LRRTM3: variants seen among roughly 807,000 people sequenced by gnomAD.
LRRTM3 encodes the protein leucine-rich repeat transmembrane neuronal protein 3.
LRRTM3 carries 24 observed loss-of-function variants against 44.7 expected under a neutral mutation model. The ratio of observed to expected loss-of-function variants is 0.54; its 90% CI spans 0.39 to 0.76. The LOEUF (loss-of-function observed/expected upper bound fraction) is 0.76, where lower values mean the gene tolerates loss of function less well. Among genes scored for constraint, LRRTM3 ranks in the 30% least tolerant of loss-of-function variants. LRRTM3 has a pLI of 0.00. For missense variants in LRRTM3, 587 were observed against 702.2 expected, an observed-to-expected ratio of 0.84 and a Z score of 1.85; for synonymous variants, 277 against 278.7, an observed-to-expected ratio of 0.99 and a Z score of 0.06.
At chr10:66,949,084 A>T (rs1250511764) in intron 2 of LRRTM3, among the ~76,000 whole-genome samples, 1 of 152,252 alleles carries the variant, frequency 6.6e-6, no homozygotes, top group East Asian at 1.9e-4. Flanking sequence ...GCAAAAATTT[A>T]TAATCTGCAT....
At chr10:66,948,020 G>A (rs564619744) in intron 2 of LRRTM3, among the ~76,000 whole-genome samples, 21 of 152,200 alleles carry the variant, frequency 1.4e-4, no homozygotes, top group Non-Finnish European at 2.4e-4. Context: ...GAATGCTGTA[G>A]GCATTTGTAA....
chr10:66,945,841 G>A (rs912546232), intron 2 of LRRTM3, among the ~76,000 whole-genome samples: 1 of 152,132 alleles, frequency 6.6e-6, no homozygotes, highest in African/African-American at 2.4e-5. Context: ...GAGGCCCACA[G>A]TAAGGGAGGG....
At chr10:66,949,465 G>C (rs1222744440) in intron 2 of LRRTM3, among the ~76,000 whole-genome samples, 1 of 152,022 alleles carries the variant, frequency 6.6e-6, no homozygotes, top group African/African-American at 2.4e-5. Flanking sequence ...GGCTGAGGCA[G>C]GAGAATTGCT....
At position 67,000,657 on chromosome 10, in the gene LRRTM3, A is replaced by G. The variant is rs568396120; in HGVS notation, c.1536+72205A>G. Among the ~76,000 whole-genome samples, 7 of 152,288 alleles carry G rather than the reference A, an allele frequency of 4.6e-5. No homozygotes were observed. In the East Asian group the frequency reaches 1.4e-3, roughly 29 times the overall value. On this transcript the variant is annotated intron_variant, in intron 2 of 2. Transcript: ENST00000361320. ...GCTGCCTCCTATTACAGGAGTCTTT[A>G]CATTCAATTAAACTGAATTAGATAT...
intron 2 of LRRTM3, among the ~76,000 whole-genome samples, chr10:67,005,657 A>T (rs1037736116): frequency 4.2e-4 from 43 of 101,374 alleles, no homozygotes; most frequent in African/African-American, 1.3e-3. Context: ...AAGCAAAAGT[A>T]ATGCTTTTGT....
Position 66,962,976 on chromosome 10 carries a change from C to CTGAATGAA in LRRTM3, c.1536+34533_1536+34540dup, listed in dbSNP as rs539206689. 3.0e-3 allele frequency among the ~76,000 whole-genome samples: 450 copies of CTGAATGAA among 151,828 alleles called. 4 individuals are homozygous for CTGAATGAA. The highest frequency in any genetic ancestry group is 0.01 in the African/African-American group (432 of 41,374). On this transcript the variant is annotated intron_variant, in intron 2 of 2. Transcript: ENST00000361320. ...CAAGAATTCAATAAGTAGTTGTTGA[C>CTGAATGAA]TGAATGAATGAATGAAGGGGTTCTT...
chr10:67,058,300 C>A lies in LRRTM3; in HGVS notation c.1537-39287C>A, dbSNP rs188108306. Among the ~76,000 whole-genome samples, 400 of 152,284 alleles carry A rather than the reference C, an allele frequency of 2.6e-3. 1 individual carries two copies. Among genetic ancestry groups the A allele is most frequent in the African/African-American group, 9.0e-3 (373 of 41,574 alleles). ...GTCTTAGTCTATCACATCATTCTTA[C>A]TAGAGAACTTTGTTCTAGGCTTTTG... On this transcript the variant is annotated intron_variant, in intron 2 of 2. Transcript: ENST00000361320.
intron 2 of LRRTM3, among the ~76,000 whole-genome samples, chr10:66,979,763 T>C (rs890309117): frequency 2.0e-5 from 3 of 152,204 alleles, no homozygotes; most frequent in African/African-American, 7.2e-5. Context: ...ACTATCATAA[T>C]AGAACTACAG....
intron 2 of LRRTM3, among the ~76,000 whole-genome samples, chr10:67,086,529 C>T (rs1564881538): frequency 6.6e-6 from 1 of 151,956 alleles, no homozygotes; most frequent in Non-Finnish European, 1.5e-5. Flanking sequence ...CCAAGTCCTG[C>T]CAAAGCAGGA....
At chr10:67,066,413 G>A (rs1048248356) in intron 2 of LRRTM3, among the ~76,000 whole-genome samples, 12 of 151,564 alleles carry the variant, frequency 7.9e-5, no homozygotes, top group East Asian at 1.9e-4. Flanking sequence ...GGATGATCTC[G>A]ATCTCTTGAC....
At chr10:67,011,835 G>A (rs78423681) in intron 2 of LRRTM3, among the ~76,000 whole-genome samples, 2,134 of 152,172 alleles carry the variant, frequency 0.014, 47 homozygotes, top group African/African-American at 0.043. Context: ...ATTTGCCCAA[G>A]GACCTACAGG....
intron 2 of LRRTM3, among the ~76,000 whole-genome samples, chr10:66,991,317 ATTAGT>A (rs1411785630): frequency 6.6e-6 from 1 of 152,176 alleles, no homozygotes; most frequent in Non-Finnish European, 1.5e-5. Flanking sequence ...ATGTCCAGGA[ATTAGT>A]TTGCTTTTCT....
At chr10:67,092,261 C>T (rs747230199) in intron 2 of LRRTM3, among the ~76,000 whole-genome samples, 53 of 151,748 alleles carry the variant, frequency 3.5e-4, no homozygotes, top group Non-Finnish European at 6.6e-4. Context: ...GGAAGATTTC[C>T]CCTGTGATAT....
At chr10:66,994,267 C>T (rs952315392) in intron 2 of LRRTM3, among the ~76,000 whole-genome samples, 1 of 152,110 alleles carries the variant, frequency 6.6e-6, no homozygotes. Flanking sequence ...AAATGCTCTC[C>T]AAGCTTTATA....
intron 2 of LRRTM3, among the ~76,000 whole-genome samples, chr10:67,047,344 A>T (rs763730736): frequency 2.6e-5 from 4 of 152,162 alleles, no homozygotes; most frequent in Non-Finnish European, 4.4e-5. Flanking sequence ...TGCCCCTAGG[A>T]GGAGACTGTG....
chr10:67,006,920 A>G (rs1385643352), intron 2 of LRRTM3, among the ~76,000 whole-genome samples: 2 of 152,060 alleles, frequency 1.3e-5, no homozygotes, highest in Admixed American at 6.6e-5. Context: ...CTGCCTCCCA[A>G]GTAGCTGGGA....
At chr10:66,930,057 T>A (rs994678430) in intron 2 of LRRTM3, among the ~76,000 whole-genome samples, 11 of 142,902 alleles carry the variant, frequency 7.7e-5, no homozygotes, top group Admixed American at 2.7e-4. Flanking sequence ...TTTTTACTAA[T>A]TTTTTTTTAT....
intron 2 of LRRTM3, among the ~76,000 whole-genome samples, chr10:67,066,555 A>G (rs1856103308): frequency 6.6e-6 from 1 of 150,878 alleles, no homozygotes; most frequent in Non-Finnish European, 1.5e-5. Context: ...AAAAAAAGGT[A>G]CATACACACC....
intron 2 of LRRTM3, among the ~76,000 whole-genome samples, chr10:66,972,191 G>A (rs1849758930): frequency 6.6e-6 from 1 of 152,088 alleles, no homozygotes; most frequent in African/African-American, 2.4e-5. Context: ...CAGTTTCACT[G>A]GAATGAACAA....
Sources: allele counts gnomAD v4.1 joint callset (sites outside exome capture counted in the v4.1 genomes callset), GRCh38; gene constraint gnomAD v4.1.1; transcripts MANE v1.5; gene names NCBI Gene and HGNC (gene_info 2026-07-23, HGNC 2026-07-21).